The following PLCB1 variants were observed in gnomAD, a reference collection of about 807,000 sequenced individuals.
PLCB1 encodes phospholipase C beta 1.
In PLCB1, 46 loss-of-function variants were observed where a neutral mutation model predicts 161.8. The ratio of observed to expected loss-of-function variants is 0.28; its 90% CI spans 0.22 to 0.36. The LOEUF (loss-of-function observed/expected upper bound fraction) is 0.36, where lower values mean the gene tolerates loss of function less well. Among genes scored for constraint, PLCB1 ranks in the 10% least tolerant of loss-of-function variants. PLCB1 has a pLI of 1.00. For missense variants in PLCB1, 1,016 were observed against 1,472.5 expected (o/e 0.69, Z 5.07); for synonymous variants, 517 against 503.7 (o/e 1.03, Z -0.35).
At chr20:8,667,288 T>G (rs1448767523) in intron 9 of PLCB1, among the ~76,000 whole-genome samples, 1 of 152,166 alleles carries the variant, frequency 6.6e-6, no homozygotes, top group African/African-American at 2.4e-5. Flanking sequence ...CTCTCTAACC[T>G]CTGCGGAAGG....
At chr20:8,743,606 TCATGTGCTCAA>T (rs1316670803) in intron 23 of PLCB1, among the ~76,000 whole-genome samples, 2 of 152,134 alleles carry the variant, frequency 1.3e-5, no homozygotes, top group Non-Finnish European at 2.9e-5. Flanking sequence ...TCTCAGTTAC[TCATGTGCTCAA>T]CATGTGCTCA....
chr20:8,763,043 A>C (rs897830735), intron 25 of PLCB1, among the ~76,000 whole-genome samples: 2 of 152,200 alleles, frequency 1.3e-5, no homozygotes, highest in Admixed American at 6.5e-5. Flanking sequence ...AGATACCATC[A>C]GTTGTAAAGC....
chr20:8,516,306 G>A (rs1273920358), intron 3 of PLCB1, among the ~76,000 whole-genome samples: 38 of 152,044 alleles, frequency 2.5e-4, no homozygotes, highest in South Asian at 2.1e-4. Flanking sequence ...TCAAGCCTCC[G>A]CTTCATTGCT....
intron 3 of PLCB1, among the ~76,000 whole-genome samples, chr20:8,490,872 ATATATGTACACATATC>A (rs72419665): frequency 0.019 from 2,863 of 148,318 alleles, 27 homozygotes; most frequent in South Asian, 0.031. Context: ...ATATATATAT[ATATATGTACACATATC>A]TATATGTACA....
chr20:8,715,233 GA>G (rs111974191), intron 12 of PLCB1, among the ~76,000 whole-genome samples: 8 of 152,046 alleles, frequency 5.3e-5, no homozygotes, highest in African/African-American at 7.2e-5. Flanking sequence ...CACGAAATGA[GA>G]AAAAAAATTA....
intron 3 of PLCB1, among the ~76,000 whole-genome samples, chr20:8,531,077 A>G (rs898531731): frequency 6.6e-6 from 1 of 152,230 alleles, no homozygotes; most frequent in African/African-American, 2.4e-5. Context: ...GTAGAAAATT[A>G]AACTAGATTT....
intron 18 of PLCB1, chr20:8,729,783 GA>G: frequency 6.6e-6 from 1 of 152,012 alleles, no homozygotes; most frequent in South Asian, 2.1e-4. Context: ...AACGTTAAAA[GA>G]TGTGAACAGT....
chr20:8,473,031 GAA>G (rs1248554929), intron 3 of PLCB1, among the ~76,000 whole-genome samples: 1 of 152,168 alleles, frequency 6.6e-6, no homozygotes, highest in African/African-American at 2.4e-5. Context: ...GCCAGAAGGA[GAA>G]AGAGTATGGA....
intron 10 of PLCB1, among the ~76,000 whole-genome samples, chr20:8,689,525 C>T (rs1990427421): frequency 6.6e-6 from 1 of 151,980 alleles, no homozygotes; most frequent in Admixed American, 6.6e-5. Context: ...CCCTTGTATG[C>T]CAATTTTGCT....
chr20:8,268,925 T>C (rs1265157748), intron 2 of PLCB1, among the ~76,000 whole-genome samples: 5 of 152,136 alleles, frequency 3.3e-5, no homozygotes, highest in Admixed American at 2.0e-4. Flanking sequence ...ATGAGATATA[T>C]TTTTAAAGGC....
At chr20:8,669,307 C>A (rs1488305414) in intron 9 of PLCB1, among the ~76,000 whole-genome samples, 1 of 152,158 alleles carries the variant, frequency 6.6e-6, no homozygotes, top group East Asian at 1.9e-4. Flanking sequence ...TCTTTACCTG[C>A]AAATTGCCAT....
At chr20:8,790,343 G>A in intron 31 of PLCB1, 82 bp downstream of exon 31, 1 of 986,804 alleles carries the variant, frequency 1.0e-6, no homozygotes, top group Non-Finnish European at 1.6e-6. Context: ...GTTTACATAA[G>A]TACCTTGTAC....
chr20:8,255,131 AACTC>A (rs1981348497), intron 2 of PLCB1, among the ~76,000 whole-genome samples: 3 of 152,090 alleles, frequency 2.0e-5, no homozygotes, highest in African/African-American at 7.2e-5. Flanking sequence ...GATGTAAACT[AACTC>A]CAGTGTTTTT....
At chr20:8,371,540 T>C (rs997689550) in intron 3 of PLCB1, 90 bp downstream of exon 3, 93 of 867,508 alleles carry the variant, frequency 1.1e-4, no homozygotes, top group Middle Eastern at 2.2e-4. Flanking sequence ...ATTAAAAGTT[T>C]CTATGTTATA....
intron 29 of PLCB1, among the ~76,000 whole-genome samples, chr20:8,789,161 T>A (rs1196966031): frequency 6.6e-6 from 1 of 152,182 alleles, no homozygotes; most frequent in Non-Finnish European, 1.5e-5. Context: ...GAGGATTGCT[T>A]GAGGCCAGGA....
At chr20:8,796,021 G>T (rs752191500) in intron 31 of PLCB1, among the ~76,000 whole-genome samples, 9 of 152,180 alleles carry the variant, frequency 5.9e-5, no homozygotes, top group Non-Finnish European at 1.2e-4. Flanking sequence ...AATATTTAAT[G>T]AACTATCTCC....
intron 2 of PLCB1, among the ~76,000 whole-genome samples, chr20:8,179,204 G>T (rs1369386077): frequency 1.3e-5 from 2 of 152,066 alleles, no homozygotes; most frequent in African/African-American, 2.4e-5. Context: ...ATAGCATCGA[G>T]TTTGTACGTT....
At chr20:8,799,870 G>C (rs1022180351) in intron 31 of PLCB1, among the ~76,000 whole-genome samples, 1 of 152,142 alleles carries the variant, frequency 6.6e-6, no homozygotes, top group Non-Finnish European at 1.5e-5. Context: ...CTACTACAAT[G>C]TAAGTTCTAC....
chr20:8,132,839 C>A lies in PLCB1; in HGVS notation c.99+89C>A. 1.1e-6 allele frequency: 1 copy of A among 874,926 alleles called. No homozygotes were observed. The allele number at this position is 874,926 out of a possible 1,614,324, so 54.2% of individuals were successfully genotyped here. On this transcript the variant is annotated intron_variant, in intron 1 of 31. Coordinates refer to ENST00000338037, the MANE Select transcript of PLCB1 (RefSeq NM_015192.4). This position sits in a 1 kb window ranked among gnomAD's most constrained non-coding sequence, Gnocchi z 5.2. ...GGGGTGGGGCAAGGGGCGCGTTATG[C>A]AATGGGCGCACTGGGAGCGGGCAGG...
Sources: allele counts gnomAD v4.1 joint callset (sites outside exome capture counted in the v4.1 genomes callset), GRCh38; gene constraint gnomAD v4.1.1; non-coding constraint Gnocchi (gnomAD v3.1); transcripts MANE v1.5; gene names NCBI Gene and HGNC (gene_info 2026-07-23, HGNC 2026-07-21).